PRKG1: variants seen among roughly 807,000 people sequenced by gnomAD.
PRKG1 encodes cGMP-dependent protein kinase 1.
Under a neutral mutation model 88.1 loss-of-function variants are expected in PRKG1, and 35 were observed. That is an observed-to-expected ratio of 0.40 (90% CI 0.30 to 0.53). The LOEUF is 0.53. PRKG1 is among the 20% of genes least tolerant of loss of function. PRKG1 has a pLI of 0.59. For missense variants in PRKG1, 540 were observed against 839.8 expected, an observed-to-expected ratio of 0.64 and a Z score of 4.41; for synonymous variants, 303 against 292.5, an observed-to-expected ratio of 1.04 and a Z score of -0.37.
chr10:51,606,683 C>T (rs1466600871), intron 3 of PRKG1, among the ~76,000 whole-genome samples: 1 of 152,090 alleles, frequency 6.6e-6, no homozygotes, highest in Non-Finnish European at 1.5e-5. Flanking sequence ...AAAAAATAGT[C>T]TAGCAACAAG....
chr10:51,326,595 T>TA (rs1841599406), intron 2 of PRKG1, among the ~76,000 whole-genome samples: 1 of 152,188 alleles, frequency 6.6e-6, no homozygotes, highest in African/African-American at 2.4e-5. Flanking sequence ...GCTTTGCCTT[T>TA]AAAAAATAGC....
intron 3 of PRKG1, among the ~76,000 whole-genome samples, chr10:51,788,885 A>G (rs1838797483): frequency 6.6e-6 from 1 of 152,176 alleles, no homozygotes; most frequent in South Asian, 2.1e-4. Flanking sequence ...TCAAGAAATG[A>G]GATTAATTAA....
intron 3 of PRKG1, among the ~76,000 whole-genome samples, chr10:51,475,485 A>G (rs755397502): frequency 1.9e-4 from 29 of 152,130 alleles, no homozygotes; most frequent in Non-Finnish European, 3.8e-4. Flanking sequence ...TATGCATACT[A>G]TCATGTTCAT....
chr10:51,304,459 G>T (rs554335353), intron 2 of PRKG1, among the ~76,000 whole-genome samples: 1 of 151,928 alleles, frequency 6.6e-6, no homozygotes, highest in African/African-American at 2.4e-5. Flanking sequence ...AAGACCCAGA[G>T]ACACTTTATT....
intron 3 of PRKG1, among the ~76,000 whole-genome samples, chr10:51,505,343 C>T (rs1841165321): frequency 6.6e-6 from 1 of 152,104 alleles, no homozygotes; most frequent in South Asian, 2.1e-4. Context: ...GGTGGATAAG[C>T]TTTTTGATGT....
chr10:51,366,855 C>T (rs1842600430), intron 2 of PRKG1, among the ~76,000 whole-genome samples: 1 of 151,784 alleles, frequency 6.6e-6, no homozygotes, highest in South Asian at 2.1e-4. Flanking sequence ...CCTCATTTTT[C>T]TAAGCCTTGT....
chr10:51,355,592 C>T (rs201913162), intron 2 of PRKG1, among the ~76,000 whole-genome samples: 2 of 151,958 alleles, frequency 1.3e-5, no homozygotes, highest in Non-Finnish European at 2.9e-5. Flanking sequence ...ATGTAACCAT[C>T]GCGATAACTT....
At chr10:51,379,364 C>T (rs1403408171) in intron 2 of PRKG1, among the ~76,000 whole-genome samples, 1 of 152,110 alleles carries the variant, frequency 6.6e-6, no homozygotes, top group East Asian at 1.9e-4. Context: ...GTAAACCTCA[C>T]AGTTACCTGT....
chr10:51,597,586 G>A (rs140598013), intron 3 of PRKG1, among the ~76,000 whole-genome samples: 12 of 152,154 alleles, frequency 7.9e-5, no homozygotes, highest in African/African-American at 2.9e-4. Flanking sequence ...TTGCTCATTT[G>A]TCAGTTTTTC....
chr10:51,384,846 G>GT (rs1249625755), intron 2 of PRKG1, among the ~76,000 whole-genome samples: 1 of 152,168 alleles, frequency 6.6e-6, no homozygotes, highest in Non-Finnish European at 1.5e-5. Context: ...TGAAATAGCT[G>GT]TTGAGTGATA....
intron 5 of PRKG1, among the ~76,000 whole-genome samples, chr10:51,987,692 T>C (rs1167350776): frequency 2.0e-5 from 3 of 152,104 alleles, no homozygotes; most frequent in African/African-American, 4.8e-5. Flanking sequence ...TCAATATTTG[T>C]AACTATTCGC....
At chr10:52,055,557 T>C (rs1009665607) in intron 6 of PRKG1, among the ~76,000 whole-genome samples, 3 of 152,194 alleles carry the variant, frequency 2.0e-5, no homozygotes, top group African/African-American at 7.2e-5. Context: ...AATGCTATAC[T>C]ATTGTATTAC....
At chr10:51,553,313 C>T (rs1020194522) in intron 3 of PRKG1, among the ~76,000 whole-genome samples, 4 of 151,590 alleles carry the variant, frequency 2.6e-5, no homozygotes, top group African/African-American at 4.8e-5. Flanking sequence ...GAAAGCAGTG[C>T]GATGAATACT....
intron 3 of PRKG1, among the ~76,000 whole-genome samples, chr10:51,775,986 C>A (rs1838425468): frequency 1.3e-5 from 2 of 152,040 alleles, no homozygotes; most frequent in Non-Finnish European, 2.9e-5. Flanking sequence ...TATTTTAGTT[C>A]AAACCCCAAC....
At chr10:51,967,110 C>T (rs1366835043) in intron 5 of PRKG1, among the ~76,000 whole-genome samples, 5 of 152,082 alleles carry the variant, frequency 3.3e-5, no homozygotes, top group Non-Finnish European at 5.9e-5. Flanking sequence ...CACATGCACA[C>T]GTATGTTTAT....
intron 2 of PRKG1, among the ~76,000 whole-genome samples, chr10:51,466,694 G>C (rs1029773854): frequency 1.4e-4 from 22 of 152,126 alleles, no homozygotes; most frequent in Middle Eastern, 6.8e-3. Context: ...AAGGGAAGGA[G>C]TGAATTTAAT....
Position 52,295,989 on chromosome 10 carries a change from T to G in PRKG1, c.*2089T>G, listed in dbSNP as rs550454018. ...ATTTTAGAATATAAAATTAAACATA[T>G]CAACCTAAAATCTAGCTATGAATGT... On this transcript the variant is annotated 3_prime_UTR_variant, in exon 18 of 18. Coordinates refer to ENST00000373980, the MANE Select transcript of PRKG1 (RefSeq NM_006258.4). 6.6e-5 allele frequency: 10 copies of G among 152,118 alleles called. No homozygotes were observed. In the South Asian group the frequency reaches 2.1e-3, roughly 31 times the overall value. 9.4% of individuals were successfully genotyped at this position (152,118 alleles called of 1,614,324 possible). A position where few individuals can be genotyped will look rare whatever the true frequency, so the allele number is the denominator to read the frequency against.
At chr10:51,544,618 C>G (rs374818051) in intron 3 of PRKG1, among the ~76,000 whole-genome samples, 4 of 152,204 alleles carry the variant, frequency 2.6e-5, no homozygotes, top group African/African-American at 7.2e-5. Flanking sequence ...CTAGATCCTT[C>G]AGGAATTGCC....
At chr10:51,427,973 G>A (rs1401627063) in intron 2 of PRKG1, among the ~76,000 whole-genome samples, 1 of 152,116 alleles carries the variant, frequency 6.6e-6, no homozygotes, top group Non-Finnish European at 1.5e-5. Context: ...CCATGGAGTG[G>A]AACAAATATG....
Sources: gnomAD v4.1 joint callset for allele counts (sites outside exome capture counted in the v4.1 genomes callset) on GRCh38, gnomAD v4.1.1 for gene constraint, MANE v1.5 for transcripts, NCBI Gene and HGNC (gene_info 2026-07-23, HGNC 2026-07-21) for gene names.